KHDRBS2: variants seen among roughly 807,000 people sequenced by gnomAD.
KHDRBS2 encodes the protein KH domain-containing, RNA-binding, signal transduction-associated protein 2.
KHDRBS2 carries 26 observed loss-of-function variants against 44.3 expected under a neutral mutation model. The ratio of observed to expected loss-of-function variants is 0.59; its 90% confidence interval spans 0.43 to 0.81. The LOEUF is 0.81. Among genes scored for constraint, KHDRBS2 ranks in the 40% least tolerant of loss-of-function variants. KHDRBS2 has a pLI of 0.00. For synonymous variants in KHDRBS2, 194 were observed against 151.1 expected (o/e 1.28, Z -2.08); for missense variants, 476 against 433.1 (o/e 1.10, Z -0.88).
chr6:61,805,897 T>C (rs569177386), intron 6 of KHDRBS2, among the ~76,000 whole-genome samples: 1 of 152,260 alleles, frequency 6.6e-6, no homozygotes, highest in African/African-American at 2.4e-5. Context: ...TATCAGGTAG[T>C]AAACACTATA....
chr6:61,981,707 A>C (rs1451232495), intron 3 of KHDRBS2, among the ~76,000 whole-genome samples: 1 of 152,022 alleles, frequency 6.6e-6, no homozygotes, highest in East Asian at 1.9e-4. Flanking sequence ...GATTTTTCAG[A>C]GAGCCCCTGG....
intron 8 of KHDRBS2, among the ~76,000 whole-genome samples, chr6:61,694,013 G>A (rs2127542775): frequency 6.6e-6 from 1 of 152,284 alleles, no homozygotes; most frequent in East Asian, 1.9e-4. Flanking sequence ...GATCCTGCCA[G>A]ATATCATCAA....
chr6:61,661,107 A>G, the KHDRBS2 span, among the ~76,000 whole-genome samples: 1 of 151,838 alleles, frequency 6.6e-6, no homozygotes, highest in Non-Finnish European at 1.5e-5. Context: ...GAATAAAACT[A>G]AAAGAGTTTC....
chr6:61,923,866 A>G (rs1180957322), intron 4 of KHDRBS2, among the ~76,000 whole-genome samples: 2 of 152,108 alleles, frequency 1.3e-5, no homozygotes, highest in Non-Finnish European at 2.9e-5. Context: ...AACAAGTTAA[A>G]CTGCATTGGG....
the KHDRBS2 span, among the ~76,000 whole-genome samples, chr6:61,550,297 A>G: frequency 8.3e-4 from 126 of 151,958 alleles, no homozygotes; most frequent in African/African-American, 3.0e-3. Flanking sequence ...AACGTGTGGT[A>G]TTTGGTTTTC....
At chr6:61,724,369 AGT>A (rs1773203779) in intron 7 of KHDRBS2, among the ~76,000 whole-genome samples, 1 of 152,134 alleles carries the variant, frequency 6.6e-6, no homozygotes, top group Non-Finnish European at 1.5e-5. Context: ...AACACACTGA[AGT>A]ACAGACCAGT....
At chr6:61,887,057 A>G (rs1012845874) in intron 6 of KHDRBS2, among the ~76,000 whole-genome samples, 1 of 152,036 alleles carries the variant, frequency 6.6e-6, no homozygotes, top group African/African-American at 2.4e-5. Context: ...TAAGTACTCT[A>G]CAGGATACCT....
At chr6:61,558,436 C>T in the KHDRBS2 span, among the ~76,000 whole-genome samples, 1 of 152,006 alleles carries the variant, frequency 6.6e-6, no homozygotes, top group African/African-American at 2.4e-5. Context: ...GTGGTGCATG[C>T]CTATCGTTCC....
intron 6 of KHDRBS2, among the ~76,000 whole-genome samples, chr6:61,889,018 T>C (rs1801408324): frequency 6.6e-6 from 1 of 152,128 alleles, no homozygotes; most frequent in Non-Finnish European, 1.5e-5. Flanking sequence ...CAATAATGCC[T>C]AAGTAACTCA....
intron 6 of KHDRBS2, 147 bp downstream of exon 6, chr6:61,894,488 T>C (rs1802547340): frequency 1.6e-6 from 1 of 620,236 alleles, no homozygotes; most frequent in East Asian, 3.0e-5. Flanking sequence ...CTCATTTAAA[T>C]GCACTGCTTA....
intron 1 of KHDRBS2, among the ~76,000 whole-genome samples, chr6:62,252,048 C>T (rs916958535): frequency 1.6e-4 from 24 of 151,876 alleles, no homozygotes; most frequent in African/African-American, 5.8e-4. Flanking sequence ...TAGCATTTCA[C>T]ATAATAATAT....
At chr6:62,260,922 A>C (rs1384657840) in intron 1 of KHDRBS2, among the ~76,000 whole-genome samples, 1 of 151,946 alleles carries the variant, frequency 6.6e-6, no homozygotes, top group South Asian at 2.1e-4. Context: ...TAATAGTGTT[A>C]GTGTAGCTTT....
intron 2 of KHDRBS2, among the ~76,000 whole-genome samples, chr6:62,091,716 G>T (rs1459612356): frequency 2.6e-5 from 4 of 152,092 alleles, no homozygotes; most frequent in Non-Finnish European, 4.4e-5. Flanking sequence ...GAGTACAGGA[G>T]AAAAAAGTTA....
At chr6:62,240,672 G>GTATATATATA (rs4036655) in intron 1 of KHDRBS2, among the ~76,000 whole-genome samples, 97 of 64,132 alleles carry the variant, frequency 1.5e-3, no homozygotes, top group Non-Finnish European at 2.2e-3. Context: ...ATGTGTGTGT[G>GTATATATATA]TATATATATA....
chr6:61,560,494 T>G, the KHDRBS2 span, among the ~76,000 whole-genome samples: 1 of 149,680 alleles, frequency 6.7e-6, no homozygotes, highest in Non-Finnish European at 1.5e-5. Flanking sequence ...TCATTCTTTT[T>G]CATTTTTTTA....
the KHDRBS2 span, among the ~76,000 whole-genome samples, chr6:61,621,169 G>A: frequency 1.3e-5 from 2 of 152,156 alleles, no homozygotes; most frequent in African/African-American, 2.4e-5. Context: ...GAAAATCCGT[G>A]GCAGAAGATG....
chr6:62,204,980 G>A (rs1282125805), intron 1 of KHDRBS2, among the ~76,000 whole-genome samples: 1 of 152,092 alleles, frequency 6.6e-6, no homozygotes. Flanking sequence ...TCTTCCTCTG[G>A]AGCAAAGGGA....
intron 8 of KHDRBS2, among the ~76,000 whole-genome samples, chr6:61,690,016 C>T (rs2127541317): frequency 6.6e-6 from 1 of 152,076 alleles, no homozygotes; most frequent in African/African-American, 2.4e-5. Context: ...AAATACTTAG[C>T]AAATATGCCA....
chr6:61,975,820 GAT>G (rs1390721873), intron 4 of KHDRBS2, among the ~76,000 whole-genome samples: 1 of 152,184 alleles, frequency 6.6e-6, no homozygotes, highest in Non-Finnish European at 1.5e-5. Context: ...AAGACTGCAT[GAT>G]AGAAGGTAAA....
Sources: gnomAD v4.1 joint callset for allele counts (sites outside exome capture counted in the v4.1 genomes callset) on GRCh38, gnomAD v4.1.1 for gene constraint, MANE v1.5 for transcripts, NCBI Gene and HGNC (gene_info 2026-07-23, HGNC 2026-07-21) for gene names.